Variants in RBPJ observed in about 807,000 individuals in gnomAD.
The protein encoded by RBPJ is recombining binding protein suppressor of hairless.
RBPJ carries 9 observed loss-of-function variants against 67.8 expected under a neutral mutation model. The ratio of observed to expected loss-of-function variants is 0.13; its 90% confidence interval spans 0.08 to 0.23. RBPJ has a LOEUF of 0.23. Ranked by LOEUF, RBPJ falls within the 10% of genes least tolerant of loss-of-function variation. The probability of loss-of-function intolerance (pLI) is 1.00; values close to 1 mark genes in which losing one functional copy is unlikely to be tolerated. For missense variants in RBPJ, 305 were observed against 595.6 expected (o/e 0.51, Z 5.08); for synonymous variants, 198 against 203.3 (o/e 0.97, Z 0.22).
At chr4:26,213,832 GA>G (rs1445168466) in intron 1 of RBPJ, among the ~76,000 whole-genome samples, 6 of 152,052 alleles carry the variant, frequency 3.9e-5, no homozygotes, top group Non-Finnish European at 8.8e-5. Flanking sequence ...ATGGCAGCTT[GA>G]ACTTCAGTGG....
At chr4:26,419,030 G>C (rs986659384) in intron 4 of RBPJ, among the ~76,000 whole-genome samples, 8 of 152,292 alleles carry the variant, frequency 5.3e-5, no homozygotes, top group African/African-American at 1.9e-4. Flanking sequence ...CCAGGCTGGA[G>C]TGCGGTGGTG....
chr4:26,429,222 A>T (rs1735974736), intron 8 of RBPJ, among the ~76,000 whole-genome samples: 1 of 152,244 alleles, frequency 6.6e-6, no homozygotes, highest in Non-Finnish European at 1.5e-5. Flanking sequence ...TTCTGGGTGA[A>T]GGCTCAAAAT....
At chr4:26,302,426 C>T (rs894167989) in intron 1 of RBPJ, among the ~76,000 whole-genome samples, 2 of 152,154 alleles carry the variant, frequency 1.3e-5, no homozygotes, top group African/African-American at 4.8e-5. Context: ...CCATTCTTTC[C>T]CCTCTCCCCA....
At chr4:26,342,623 T>C (rs958177825) in intron 1 of RBPJ, among the ~76,000 whole-genome samples, 2 of 152,226 alleles carry the variant, frequency 1.3e-5, no homozygotes, top group Non-Finnish European at 2.9e-5. Flanking sequence ...AGGCAGATTA[T>C]AGATCTGAGG....
intron 1 of RBPJ, among the ~76,000 whole-genome samples, chr4:26,185,191 AT>A (rs34997614): frequency 0.55 from 80,774 of 145,992 alleles, 22,770 homozygotes; most frequent in East Asian, 0.71. Context: ...TCAAGGAGGG[AT>A]TTTTTTTTTT....
chr4:26,371,079 C>CA (rs557453784), intron 1 of RBPJ, among the ~76,000 whole-genome samples: 2,484 of 81,722 alleles, frequency 0.03, 46 homozygotes, highest in Middle Eastern at 0.11. Flanking sequence ...GACTCCATCT[C>CA]AAAAAAAAAA....
chr4:26,365,002 T>C (rs1728481521), intron 1 of RBPJ, among the ~76,000 whole-genome samples: 1 of 151,948 alleles, frequency 6.6e-6, no homozygotes, highest in African/African-American at 2.4e-5. Context: ...CCTTCCCTTA[T>C]TATTGTGACA....
intron 1 of RBPJ, among the ~76,000 whole-genome samples, chr4:26,326,502 G>A (rs902473498): frequency 6.6e-6 from 1 of 152,074 alleles, no homozygotes; most frequent in African/African-American, 2.4e-5. Context: ...GTAGAACACT[G>A]TAGACTGCTT....
intron 1 of RBPJ, among the ~76,000 whole-genome samples, chr4:26,335,124 G>A (rs1386324402): frequency 6.6e-6 from 1 of 152,080 alleles, no homozygotes; most frequent in Non-Finnish European, 1.5e-5. Flanking sequence ...ACAGGTAAAC[G>A]TTAACTTCAG....
chr4:26,257,131 A>G (rs1246712832), intron 1 of RBPJ, among the ~76,000 whole-genome samples: 1 of 152,210 alleles, frequency 6.6e-6, no homozygotes, highest in Non-Finnish European at 1.5e-5. Context: ...ATCAGGTACT[A>G]TACTATATGT....
chr4:26,190,420 G>T (rs1420150584), intron 1 of RBPJ, among the ~76,000 whole-genome samples: 4 of 152,206 alleles, frequency 2.6e-5, no homozygotes, highest in African/African-American at 9.7e-5. Flanking sequence ...TTCCCAAAAT[G>T]ATAACTCAAG....
chr4:26,244,915 T>C (rs1288302030), intron 1 of RBPJ, among the ~76,000 whole-genome samples: 1 of 152,120 alleles, frequency 6.6e-6, no homozygotes, highest in Non-Finnish European at 1.5e-5. Flanking sequence ...ATTACAGGCA[T>C]GAATTTTAAT....
chr4:26,261,836 A>G (rs1260945927), intron 1 of RBPJ, among the ~76,000 whole-genome samples: 1 of 152,238 alleles, frequency 6.6e-6, no homozygotes, highest in Non-Finnish European at 1.5e-5. Context: ...TGTTTAATTG[A>G]TTTGCCATCA....
chr4:26,341,870 A>G (rs985327818), intron 1 of RBPJ, among the ~76,000 whole-genome samples: 27 of 152,322 alleles, frequency 1.8e-4, no homozygotes, highest in Admixed American at 1.7e-3. Flanking sequence ...TATGTTGTCA[A>G]TAATGTTTCA....
chr4:26,404,883 A>G (rs1052520715), intron 2 of RBPJ, among the ~76,000 whole-genome samples: 5 of 152,148 alleles, frequency 3.3e-5, no homozygotes, highest in African/African-American at 1.2e-4. Context: ...AACTTTTCCC[A>G]GCATGTAGTC....
chr4:26,316,673 CAT>C (rs112146974), upstream of RBPJ, among the ~76,000 whole-genome samples: 20,741 of 126,914 alleles, frequency 0.16, 3,382 homozygotes, highest in African/African-American at 0.42. Flanking sequence ...TATATATACA[CAT>C]ATATATATAT....
intron 2 of RBPJ, among the ~76,000 whole-genome samples, chr4:26,394,336 T>C (rs1731881042): frequency 6.6e-6 from 1 of 152,128 alleles, no homozygotes; most frequent in Admixed American, 6.6e-5. Flanking sequence ...CTGGATTCAC[T>C]TTTTTTCTTT....
chr4:26,248,551 C>A (rs1003818277), intron 1 of RBPJ, among the ~76,000 whole-genome samples: 1 of 152,056 alleles, frequency 6.6e-6, no homozygotes. Flanking sequence ...TGCTCTTGAA[C>A]ATTTTGTAGC....
chr4:26,295,269 TGG>T (rs776120885), intron 1 of RBPJ, among the ~76,000 whole-genome samples: 28 of 151,008 alleles, frequency 1.9e-4, no homozygotes, highest in African/African-American at 5.9e-4. Context: ...TGTGTGTGTG[TGG>T]GTGTGTGTGT....
Sources: gnomAD v4.1 joint callset for allele counts (sites outside exome capture counted in the v4.1 genomes callset) on GRCh38, gnomAD v4.1.1 for gene constraint, MANE v1.5 for transcripts, NCBI Gene and HGNC (gene_info 2026-07-23, HGNC 2026-07-21) for gene names.